Variants in LIME1 observed in about 807,000 individuals in gnomAD.
LIME1 encodes lck-interacting transmembrane adapter 1.
In LIME1, 23 loss-of-function variants were observed where a neutral mutation model predicts 18.8. The observed-to-expected ratio is 1.22, with a 90% confidence interval of 0.88 to 1.73. LIME1 has a LOEUF of 1.73. Among genes scored for constraint, LIME1 ranks in the 40% most tolerant of loss-of-function variants. The pLI is 0.00. For synonymous variants in LIME1, 177 were observed against 182.3 expected, an observed-to-expected ratio of 0.97 and a Z score of 0.23; for missense variants, 423 against 396.8, an observed-to-expected ratio of 1.07 and a Z score of -0.56.
Position 63,737,893 on chromosome 20 carries a change from G to A in LIME1, c.171G>A (p.Ala57=), listed in dbSNP as rs1270856817. The A allele has an allele frequency of 6.3e-7, 1 of 1,580,710 alleles. No homozygotes were observed. Among genetic ancestry groups the A allele is most frequent in the Admixed American group, 1.7e-5 (1 of 57,480 alleles). ...QRARLQGSAT[A]AEASLLRRTH... The stretch of plus-strand genomic sequence containing the variant: ...CGAGGCTGCAGGGCAGTGCGACGGC[G>A]GCGGAAGCGGTGAGTGCCAGGCTGT... The change falls in exon 3 of 6, where the codon GCG becomes GCA. Residue 57 remains alanine (A), a synonymous_variant. Coordinates refer to ENST00000309546, the MANE Select transcript of LIME1 (RefSeq NM_017806.4).
At chr20:63,737,220 G>T in intron 1 of LIME1, 4 of 1,108,278 alleles carry the variant, frequency 3.6e-6, no homozygotes, top group Non-Finnish European at 4.4e-6. Flanking sequence ...CCCGATGCTG[G>T]TTACTATCTG....
At chr20:63,736,529 C>A, upstream of LIME1, 1 of 780,168 alleles carries the variant, frequency 1.3e-6, no homozygotes, top group Non-Finnish European at 1.6e-6. Flanking sequence ...TTCATCTAGG[C>A]TTCGGGCGGG....
Position 63,738,308 on chromosome 20 carries a change from G to A in LIME1, c.394G>A (p.Ala132Thr). Residue 132 changes from alanine to threonine, a missense_variant, in exon 5 of 6, where the codon GCT becomes ACT. By Grantham distance (58) the Ala-to-Thr change is moderately conservative (BLOSUM62 0). Transcript: ENST00000309546. ...HQELPRALPA[A>T]AATAGCAGLE... is the part of the protein sequence containing the mutation. ...GGAGCTGCCCCGGGCTCTGCCGGCA[G>A]CTGCAGCCACCGCAGGGTGCGCTGG... The A allele has an allele frequency of 6.4e-7, 1 of 1,565,044 alleles. No individual in the cohort carries two copies. Among genetic ancestry groups the A allele is most frequent in the East Asian group, 2.4e-5 (1 of 42,542 alleles).
chr20:63,737,743 C>A, intron 2 of LIME1, 78 bp from the exon 3 acceptor site: 1 of 1,416,278 alleles, frequency 7.1e-7, no homozygotes, highest in Non-Finnish European at 9.2e-7. Flanking sequence ...GCGCACCCAG[C>A]TCGGCACGCG....
upstream of LIME1, chr20:63,736,141 C>A (rs1442447295): frequency 4.7e-6 from 3 of 631,974 alleles, no homozygotes; most frequent in African/African-American, 5.6e-5. Context: ...ATCACAGTGT[C>A]ATTCAGTGGA....
chr20:63,737,383 G>A, intron 1 of LIME1, 150 bp from the exon 2 acceptor site: 1 of 1,341,452 alleles, frequency 7.5e-7, no homozygotes, highest in Non-Finnish European at 9.5e-7. Context: ...GGGAGGGAGG[G>A]ACTGCCAGGC....
chr20:63,738,608 T>C lies in LIME1; in HGVS notation c.596T>C (p.Leu199Pro), dbSNP rs113518735. The change falls in exon 6 of 6, where the codon CTG becomes CCG. Residue 199 changes from leucine (L) to proline (P), a missense_variant. Leu to Pro is a moderately conservative substitution (Grantham distance 98). Coordinates refer to ENST00000309546, the MANE Select transcript of LIME1 (RefSeq NM_017806.4). The stretch of plus-strand genomic sequence containing the variant: ...GCTTCCTGTCTCCAGGTGGACGTCC[T>C]GTACTCCAGGGTCTGCAAGCCTAAA... ...EVTPAAQVDVLYSRVCKPKRR... is the reference protein window; with the variant it reads ...EVTPAAQVDVPYSRVCKPKRR... The C allele has an allele frequency of 4.3e-5, 67 of 1,561,050 alleles. No homozygotes were observed. In the Admixed American group the frequency reaches 1.2e-3, roughly 29 times the overall value.
At position 63,738,987 on chromosome 20, in the gene LIME1, T is replaced by A; in HGVS notation, c.*87T>A. 1 of 1,283,344 alleles carries A rather than the reference T, an allele frequency of 7.8e-7. No homozygotes were observed. Among genetic ancestry groups the A allele is most frequent in the South Asian group, 1.6e-5 (1 of 61,962 alleles). 79.5% of individuals were successfully genotyped at this position (1,283,344 alleles called of 1,614,324 possible). On this transcript the variant is annotated 3_prime_UTR_variant, in exon 6 of 6. Coordinates refer to ENST00000309546, the MANE Select transcript of LIME1 (RefSeq NM_017806.4). Reference sequence around the variant, plus strand: ...CACAGCTGACAGCGCCAGTCCCAGGTCCCCGGGCTGCCAGCCCGTGAGGTC... The same window carrying A: ...CACAGCTGACAGCGCCAGTCCCAGGACCCCGGGCTGCCAGCCCGTGAGGTC...
At position 63,738,074 on chromosome 20, in the gene LIME1, G is replaced by GGGGCGT; in HGVS notation, c.268+19_268+20insTGGGCG. 2 of 1,196,610 alleles carry GGGGCGT rather than the reference G, an allele frequency of 1.7e-6. No homozygotes were observed. Among genetic ancestry groups the GGGGCGT allele is most frequent in the Non-Finnish European group, 2.2e-6 (2 of 912,478 alleles). The allele number at this position is 1,196,610 out of a possible 1,614,324, so 74.1% of individuals were successfully genotyped here. On this transcript the variant is annotated intron_variant, in intron 4 of 5. Transcript: ENST00000309546. ...GCAGCAGCAGGGGTGAGCAGAGGGCGGGGCGGGGGCGGCCGGGCGGGGCTT... is the reference window on the plus strand; with the variant it reads ...GCAGCAGCAGGGGTGAGCAGAGGGCGGGGCGTGGGCGGGGGCGGCCGGGCGGGGCTT...
chr20:63,737,231 G>C (rs1168639033), intron 1 of LIME1: 4 of 1,140,746 alleles, frequency 3.5e-6, no homozygotes, highest in Non-Finnish European at 4.3e-6. Flanking sequence ...TTACTATCTG[G>C]GCTATGGTGG....
At position 63,738,059 on chromosome 20, in the gene LIME1, G is replaced by C; in HGVS notation, c.267G>C (p.Arg89Ser). 6.6e-7 allele frequency: 1 copy of C among 1,515,622 alleles called. No individual in the cohort carries two copies. 93.9% of individuals were successfully genotyped at this position (1,515,622 alleles called of 1,614,324 possible). ...HELHRGPRSS[R>S]ALRPASMDLL... ...TGCACCGGGGCCCGCGCAGCAGCAG[G>C]GGTGAGCAGAGGGCGGGGCGGGGGC... The change falls in exon 4 of 6, where the codon AGG (arginine) becomes AGC (serine). Residue 89 changes from arginine to serine, a missense_variant and splice_region_variant. Arg to Ser is a moderately radical substitution (Grantham distance 110). Transcript: ENST00000309546.
rs555947195 is a variant in LIME1, at chr20:63,737,703, C to T, written c.98+56C>T. 3.8e-5 allele frequency: 56 copies of T among 1,482,310 alleles called. No homozygotes were observed. In the Middle Eastern group the frequency reaches 1.5e-3, roughly 40 times the overall value. The allele number at this position is 1,482,310 out of a possible 1,614,324, so 91.8% of individuals were successfully genotyped here. A position where few individuals can be genotyped will look rare whatever the true frequency, so the allele number is the denominator to read the frequency against. ...CCTCGCTGCGGCTGCCATTCACAGC[C>T]CAGCGCGGGAAGGGGCTGGAGGCAG... On this transcript the variant is annotated intron_variant, in intron 2 of 5. Coordinates refer to ENST00000309546, the MANE Select transcript of LIME1 (RefSeq NM_017806.4).
At chr20:63,737,787 ACCCC>A in intron 2 of LIME1, 30 bp from the exon 3 acceptor site, 133 of 1,322,174 alleles carry the variant, frequency 1.0e-4, no homozygotes, top group Non-Finnish European at 1.2e-4. Context: ...GAGGCTGACG[ACCCC>A]GCCCCCCGCC....
chr20:63,738,181 A>T lies in LIME1; in HGVS notation c.269-2A>T. On this transcript the variant is annotated splice_acceptor_variant, in intron 4 of 5. Coordinates refer to ENST00000309546, the MANE Select transcript of LIME1 (RefSeq NM_017806.4). LOFTEE classifies it high-confidence loss of function. ...TGAACTCTGCCCTGACCCCACCCCC[A>T]GCCCTGCGGCCTGCCAGCATGGATC... 1.3e-6 allele frequency: 2 copies of T among 1,565,912 alleles called. No homozygotes were observed. The highest frequency in any genetic ancestry group is 1.7e-6 in the Non-Finnish European group (2 of 1,161,042).
chr20:63,737,636 A>T lies in LIME1; in HGVS notation c.87A>T (p.Thr29=). 6.3e-7 allele frequency: 1 copy of T among 1,591,264 alleles called. No homozygotes were observed. The highest frequency in any genetic ancestry group is 8.5e-7 in the Non-Finnish European group (1 of 1,171,036). ...ALLLSLWALC[T]ACRRPEDAVA... Reference sequence around the variant, plus strand: ...TCCTCTCGCTGTGGGCGCTGTGCACAGCCTGCCGCAGGTAGGTCCCTCAGC... The same window carrying T: ...TCCTCTCGCTGTGGGCGCTGTGCACTGCCTGCCGCAGGTAGGTCCCTCAGC... Residue 29 remains threonine, a synonymous_variant, in exon 2 of 6, where the codon ACA becomes ACT. Transcript: ENST00000309546.
chr20:63,738,170 A>C lies in LIME1; in HGVS notation c.269-13A>C, dbSNP rs1231162791. ...CCTGCCCGGAGTGAACTCTGCCCTG[A>C]CCCCACCCCCAGCCCTGCGGCCTGC... On this transcript the variant is annotated splice_polypyrimidine_tract_variant and intron_variant, in intron 4 of 5. Transcript: ENST00000309546. 18 of 1,554,826 alleles carry C rather than the reference A, an allele frequency of 1.2e-5. No individual in the cohort carries two copies. Among genetic ancestry groups the C allele is most frequent in the Non-Finnish European group, 1.6e-5 (18 of 1,155,348 alleles).
In LIME1 at chr20:63,739,083, C is replaced by A; in HGVS notation, c.*183C>A. On this transcript the variant is annotated 3_prime_UTR_variant, in exon 6 of 6. Transcript: ENST00000309546. ...AGAGAAGGCCCGCGTCTAAATAAAG[C>A]GCCAGCGCAGGATGAAAGCGGCCAG... 1.8e-6 allele frequency: 1 copy of A among 557,942 alleles called. No individual in the cohort carries two copies. The highest frequency in any genetic ancestry group is 3.1e-6 in the Non-Finnish European group (1 of 323,858). The allele number at this position is 557,942 out of a possible 1,614,324, so 34.6% of individuals were successfully genotyped here.
chr20:63,737,621 G>A lies in LIME1; in HGVS notation c.72G>A (p.Leu24=), dbSNP rs570109401. The A allele has an allele frequency of 1.6e-5, 26 of 1,600,120 alleles. 1 individual carries two copies. In the African/African-American group the frequency reaches 3.1e-4, roughly 19 times the overall value. ...GGTGCTGCGCCCTGCTCCTCTCGCT[G>A]TGGGCGCTGTGCACAGCCTGCCGCA... ...VLGCCALLLS[L]WALCTACRRP... Residue 24 remains leucine (L), a synonymous_variant, in exon 2 of 6, where the codon CTG becomes CTA. Coordinates refer to ENST00000309546, the MANE Select transcript of LIME1 (RefSeq NM_017806.4).
In LIME1 at chr20:63,737,866, G is replaced by A. The variant is rs902695824; in HGVS notation, c.144G>A (p.Arg48=). The A allele has an allele frequency of 6.4e-7, 1 of 1,573,228 alleles. No homozygotes were observed. Among genetic ancestry groups the A allele is most frequent in the Non-Finnish European group, 8.6e-7 (1 of 1,166,962 alleles). The change falls in exon 3 of 6, where the codon CGG becomes CGA. Residue 48 remains arginine (R), a synonymous_variant. Coordinates refer to ENST00000309546, the MANE Select transcript of LIME1 (RefSeq NM_017806.4). ...VAPRKRARRQ[R]ARLQGSATAA... is the part of the protein sequence containing the mutation. ...CCAGGAAGAGGGCGCGGAGGCAGCG[G>A]GCGAGGCTGCAGGGCAGTGCGACGG...
Sources: gnomAD v4.1 joint callset for allele counts on GRCh38, gnomAD v4.1.1 for gene constraint, MANE v1.5 for transcripts, NCBI Gene and HGNC (gene_info 2026-07-23, HGNC 2026-07-21) for gene names.